Variants in RBMS3 observed in about 807,000 individuals in gnomAD.
RBMS3 encodes RNA binding motif single stranded interacting protein 3, also known as RNA-binding motif, single-stranded-interacting protein 3.
RBMS3 carries 27 observed loss-of-function variants against 66.8 expected under a neutral mutation model. That is an observed-to-expected ratio of 0.40 (90% CI 0.30 to 0.56). RBMS3 has a LOEUF of 0.56. RBMS3 is among the 20% of genes least tolerant of loss of function. The pLI is 0.40. For missense variants in RBMS3, 513 were observed against 549.5 expected (o/e 0.93, Z 0.66); for synonymous variants, 188 against 183.0 (o/e 1.03, Z -0.22).
chr3:29,396,421 T>A (rs1457409571), intron 1 of RBMS3, among the ~76,000 whole-genome samples: 1 of 152,148 alleles, frequency 6.6e-6, no homozygotes, highest in African/African-American at 2.4e-5. Flanking sequence ...ATTATTATTA[T>A]GGGGTTAAAT....
chr3:29,746,697 C>T (rs2054911168), intron 5 of RBMS3, among the ~76,000 whole-genome samples: 1 of 151,972 alleles, frequency 6.6e-6, no homozygotes, highest in Admixed American at 6.6e-5. Flanking sequence ...TATTCAGAGC[C>T]CTGGGTTTCA....
chr3:29,792,900 G>T (rs919212000), intron 6 of RBMS3, among the ~76,000 whole-genome samples: 2 of 152,108 alleles, frequency 1.3e-5, no homozygotes, highest in African/African-American at 2.4e-5. Flanking sequence ...GCGTGGACAT[G>T]ACATCCAAGT....
intron 4 of RBMS3, among the ~76,000 whole-genome samples, chr3:29,657,075 C>T (rs2149221995): frequency 6.6e-6 from 1 of 152,320 alleles, no homozygotes; most frequent in Non-Finnish European, 1.5e-5. Context: ...TTTTGACTCA[C>T]ATTTCCTAGG....
At chr3:29,755,189 G>A (rs1234606755) in intron 5 of RBMS3, among the ~76,000 whole-genome samples, 1 of 152,024 alleles carries the variant, frequency 6.6e-6, no homozygotes, top group African/African-American at 2.4e-5. Context: ...ATTTCTTTAT[G>A]AAAATTCCTT....
chr3:29,510,652 C>T (rs2044361906), intron 3 of RBMS3, among the ~76,000 whole-genome samples: 1 of 151,992 alleles, frequency 6.6e-6, no homozygotes, highest in African/African-American at 2.4e-5. Flanking sequence ...CTCCAATAAG[C>T]ATTTTCTTGG....
chr3:29,302,779 G>A (rs1275896129), intron 1 of RBMS3, among the ~76,000 whole-genome samples: 1 of 152,010 alleles, frequency 6.6e-6, no homozygotes, highest in Non-Finnish European at 1.5e-5. Flanking sequence ...CTATGTGGCT[G>A]GGATGCATTA....
chr3:29,625,099 A>G lies in RBMS3; in HGVS notation c.399+37894A>G, dbSNP rs748957357. On this transcript the variant is annotated intron_variant, in intron 4 of 14. Coordinates refer to ENST00000383767, the MANE Select transcript of RBMS3 (RefSeq NM_001003793.3). ...CACCCTCTCTGTCTCCTGCCTCCAC[A>G]TAAGACATGCCTTGCTTCCTTTTTG... Among the ~76,000 whole-genome samples the G allele has an allele frequency of 2.0e-5, 3 of 152,174 alleles. No individual in the cohort carries two copies. The East Asian group carries it at 5.8e-4, about 29-fold the overall frequency.
chr3:29,704,851 T>A (rs998288285), intron 4 of RBMS3, among the ~76,000 whole-genome samples: 1 of 152,248 alleles, frequency 6.6e-6, no homozygotes, highest in African/African-American at 2.4e-5. Context: ...TGGTAGGGTT[T>A]ACCCACAAAA....
At chr3:29,477,693 A>T (rs1355827736) in intron 2 of RBMS3, among the ~76,000 whole-genome samples, 1 of 152,160 alleles carries the variant, frequency 6.6e-6, no homozygotes, top group Admixed American at 6.5e-5. Context: ...TGAGAAAAAA[A>T]AAATGAGAGA....
intron 12 of RBMS3, among the ~76,000 whole-genome samples, chr3:29,964,287 T>C (rs1696680584): frequency 6.6e-6 from 1 of 151,462 alleles, no homozygotes; most frequent in African/African-American, 2.4e-5. Flanking sequence ...CTCCAAAAAT[T>C]AACAGAAGAA....
intron 4 of RBMS3, among the ~76,000 whole-genome samples, chr3:29,676,189 A>G (rs2051241134): frequency 6.6e-6 from 1 of 152,042 alleles, no homozygotes; most frequent in South Asian, 2.1e-4. Flanking sequence ...AAAACCAAAC[A>G]CTGCATGTTC....
intron 4 of RBMS3, among the ~76,000 whole-genome samples, chr3:29,602,935 T>A (rs1394944120): frequency 6.6e-6 from 1 of 152,002 alleles, no homozygotes; most frequent in Non-Finnish European, 1.5e-5. Context: ...GGGAAAATCT[T>A]ACTGACACCC....
chr3:29,600,051 T>C (rs2149114850), intron 4 of RBMS3, among the ~76,000 whole-genome samples: 1 of 152,266 alleles, frequency 6.6e-6, no homozygotes, highest in African/African-American at 2.4e-5. Context: ...CTATCAAATG[T>C]ACACTAGTTA....
At chr3:29,294,499 C>T (rs114326062) in intron 1 of RBMS3, among the ~76,000 whole-genome samples, 158 of 151,270 alleles carry the variant, frequency 1.0e-3, no homozygotes, top group African/African-American at 3.6e-3. Flanking sequence ...AGTCAATACA[C>T]GTGCCAACTC....
chr3:29,720,016 A>T (rs2053574327), intron 4 of RBMS3, among the ~76,000 whole-genome samples: 1 of 151,754 alleles, frequency 6.6e-6, no homozygotes, highest in African/African-American at 2.4e-5. Flanking sequence ...GCATAATCCC[A>T]ATTCACAGTA....
intron 8 of RBMS3, 134 bp from the exon 9 acceptor site, chr3:29,897,245 G>T: frequency 1.4e-6 from 1 of 707,360 alleles, no homozygotes. Context: ...AAATCTCCTA[G>T]ACGTTCTTGT....
At chr3:29,959,538 C>T (rs1055422158) in intron 12 of RBMS3, among the ~76,000 whole-genome samples, 1 of 152,142 alleles carries the variant, frequency 6.6e-6, no homozygotes, top group Non-Finnish European at 1.5e-5. Flanking sequence ...ATCAGCAAAT[C>T]ACAAACATTG....
chr3:29,941,875 A>T (rs909439927), intron 11 of RBMS3, among the ~76,000 whole-genome samples: 1 of 151,798 alleles, frequency 6.6e-6, no homozygotes, highest in Non-Finnish European at 1.5e-5. Context: ...ACAAATTGCT[A>T]ATGAAGGTGT....
At chr3:29,604,233 G>A (rs1000506545) in intron 4 of RBMS3, among the ~76,000 whole-genome samples, 2 of 151,764 alleles carry the variant, frequency 1.3e-5, no homozygotes, top group African/African-American at 4.8e-5. Context: ...ATTGTAACTA[G>A]CAATATAATT....
Sources: allele counts gnomAD v4.1 joint callset (sites outside exome capture counted in the v4.1 genomes callset), GRCh38; gene constraint gnomAD v4.1.1; transcripts MANE v1.5; gene names NCBI Gene and HGNC (gene_info 2026-07-23, HGNC 2026-07-21).